Variants in PIK3CG observed in about 807,000 individuals in gnomAD.
PIK3CG encodes the protein phosphatidylinositol 4,5-bisphosphate 3-kinase catalytic subunit gamma isoform.
PIK3CG carries 55 observed loss-of-function variants against 102.3 expected under a neutral mutation model. That is an observed-to-expected ratio of 0.54 (90% confidence interval 0.43 to 0.67). The LOEUF (loss-of-function observed/expected upper bound fraction) is 0.67, where lower values mean the gene tolerates loss of function less well. PIK3CG is among the 30% of genes least tolerant of loss of function. PIK3CG has a pLI of 0.00. For synonymous variants in PIK3CG, 552 were observed against 540.0 expected, an observed-to-expected ratio of 1.02 and a Z score of -0.31; for missense variants, 1,258 against 1,391.8, an observed-to-expected ratio of 0.90 and a Z score of 1.53.
rs1319891899 is a variant in PIK3CG at position 106,903,812 on chromosome 7, G to A, written c.3031-1297G>A. On this transcript the variant is annotated intron_variant, in intron 10 of 10. Transcript: ENST00000496166. This position sits in a 1 kb window ranked among gnomAD's most constrained non-coding sequence, Gnocchi z 4.3. ...CTCACTCTGTTGCCTACTTTGGAGTGCAGTGGAGTGATCTCAGCTCACTGC... is the reference window on the plus strand; with the variant it reads ...CTCACTCTGTTGCCTACTTTGGAGTACAGTGGAGTGATCTCAGCTCACTGC... Among the ~76,000 whole-genome samples the A allele has an allele frequency of 3.3e-5, 5 of 151,754 alleles. No homozygotes were observed. Among genetic ancestry groups the A allele is most frequent in the Non-Finnish European group, 5.9e-5 (4 of 67,966 alleles).
Position 106,879,645 on chromosome 7 carries a change from C to T in PIK3CG, c.2518C>T (p.Gln840Ter), listed in dbSNP as rs2116524771. The T allele has an allele frequency of 6.2e-7, 1 of 1,612,150 alleles. No individual in the cohort carries two copies. Among genetic ancestry groups the T allele is most frequent in the African/African-American group, 1.3e-5 (1 of 74,964 alleles). Residue 840 changes from glutamine (Q) to a stop codon, truncating the protein, a stop_gained, in exon 6 of 11, where the codon CAA becomes TAA. Coordinates refer to ENST00000496166, the MANE Select transcript of PIK3CG (RefSeq NM_001282426.2). LOFTEE classifies it high-confidence loss of function. The surrounding 1 kb of genome is among the most constrained non-coding windows in gnomAD (Gnocchi z 4.9). ...CTTTAAACATGGTGATGATCTGCGCCAAGACATGCTTATTTTACAGGTATG... is the reference window on the plus strand; with the variant it reads ...CTTTAAACATGGTGATGATCTGCGCTAAGACATGCTTATTTTACAGGTATG... Reference protein sequence around the residue: ...IIFKHGDDLRQDMLILQILRI... With the variant: ...IIFKHGDDLR
Position 106,890,385 on chromosome 7 carries a change from G to A in PIK3CG, c.3030+4093G>A, listed in dbSNP as rs1189307249. On this transcript the variant is annotated intron_variant, in intron 10 of 10. Coordinates refer to ENST00000496166, the MANE Select transcript of PIK3CG (RefSeq NM_001282426.2). This position sits in a 1 kb window ranked among gnomAD's most constrained non-coding sequence, Gnocchi z 4.2. ...TTTAGTAGAGACGGGGTTTCACCGTGTTAACCAGGATGGTCTCAATCTCCT... is the reference window on the plus strand; with the variant it reads ...TTTAGTAGAGACGGGGTTTCACCGTATTAACCAGGATGGTCTCAATCTCCT... Among the ~76,000 whole-genome samples, 2 of 152,144 alleles carry A rather than the reference G, an allele frequency of 1.3e-5. No homozygotes were observed. Among genetic ancestry groups the A allele is most frequent in the Non-Finnish European group, 2.9e-5 (2 of 68,032 alleles).
chr7:106,881,624 A>G (rs1236745062), intron 6 of PIK3CG, among the ~76,000 whole-genome samples: 1 of 152,162 alleles, frequency 6.6e-6, no homozygotes, highest in Non-Finnish European at 1.5e-5. Flanking sequence ...AGGTGGGCGG[A>G]TCACTTGAGG....
rs890158721 is a variant in PIK3CG, at chr7:106,908,690, A to G, written c.*3303A>G. 4.6e-5 allele frequency among the ~76,000 whole-genome samples: 7 copies of G among 152,184 alleles called. No individual in the cohort carries two copies. Among genetic ancestry groups the G allele is most frequent in the African/African-American group, 1.7e-4 (7 of 41,436 alleles). On this transcript the variant is annotated 3_prime_UTR_variant, in exon 11 of 11. Transcript: ENST00000496166. This position sits in a 1 kb window ranked among gnomAD's most constrained non-coding sequence, Gnocchi z 4.1. The stretch of plus-strand genomic sequence containing the variant: ...GAATTATTTTTTTAAAAAAGGTTAC[A>G]TATAGGAATTCTGCAGTATAATTTG...
Position 106,868,994 on chromosome 7 carries a change from G to A in PIK3CG, c.1433G>A (p.Gly478Glu), listed in dbSNP as rs1171260961. The part of the protein sequence containing the change: ...LIDHRFLLRR[G>E]EYVLHMWQIS... The stretch of plus-strand genomic sequence containing the variant: ...GACCACCGTTTCCTCCTGCGCCGTG[G>A]AGAATACGTCCTCCACATGTGGCAG... Residue 478 changes from glycine to glutamate, a missense_variant, in exon 2 of 11, where the codon GGA becomes GAA. Physicochemically the swap from Gly to Glu is moderately conservative, Grantham distance 98. Coordinates refer to ENST00000496166, the MANE Select transcript of PIK3CG (RefSeq NM_001282426.2). The surrounding 1 kb of genome is among the most constrained non-coding windows in gnomAD (Gnocchi z 6.2). 2 of 1,614,080 alleles carry A rather than the reference G, an allele frequency of 1.2e-6. No individual in the cohort carries two copies. Among genetic ancestry groups the A allele is most frequent in the Non-Finnish European group, 1.7e-6 (2 of 1,180,052 alleles).
At chr7:106,881,902 C>A (rs1419965085) in intron 6 of PIK3CG, among the ~76,000 whole-genome samples, 1 of 151,972 alleles carries the variant, frequency 6.6e-6, no homozygotes, top group Non-Finnish European at 1.5e-5. Context: ...TCCTCTTCCC[C>A]AAGGTACATT....
chr7:106,874,506 C>T lies in PIK3CG; in HGVS notation c.2288-194C>T, dbSNP rs1790653210. On this transcript the variant is annotated intron_variant, in intron 4 of 10. Coordinates refer to ENST00000496166, the MANE Select transcript of PIK3CG (RefSeq NM_001282426.2). The surrounding 1 kb of genome is among the most constrained non-coding windows in gnomAD (Gnocchi z 4.3). ...AGTATGTGTACATGGTTATGTTGCT[C>T]ACCTTAAGCCCAATGTATCTTGCCA... 6.6e-6 allele frequency among the ~76,000 whole-genome samples: 1 copy of T among 152,148 alleles called. No homozygotes were observed. The highest frequency in any genetic ancestry group is 1.5e-5 in the Non-Finnish European group (1 of 68,032).
In PIK3CG at chr7:106,905,603, G is replaced by A. The variant is rs1352958492; in HGVS notation, c.*216G>A. On this transcript the variant is annotated 3_prime_UTR_variant, in exon 11 of 11. Transcript: ENST00000496166. This position sits in a 1 kb window ranked among gnomAD's most constrained non-coding sequence, Gnocchi z 5.6. Reference sequence around the variant, plus strand: ...CAGTGCTAGGATTATTTGCAGGTTTGGTTTTTTCTCATTTGTCTGTGGCAT... The same window carrying A: ...CAGTGCTAGGATTATTTGCAGGTTTAGTTTTTTCTCATTTGTCTGTGGCAT... The A allele has an allele frequency of 1.9e-6, 1 of 538,774 alleles. No homozygotes were observed. Among genetic ancestry groups the A allele is most frequent in the East Asian group, 3.1e-5 (1 of 32,560 alleles). 33.4% of individuals were successfully genotyped at this position (538,774 alleles called of 1,614,324 possible).
intron 2 of PIK3CG, among the ~76,000 whole-genome samples, chr7:106,870,697 C>G (rs1435340709): frequency 6.6e-6 from 1 of 152,196 alleles, no homozygotes; most frequent in Non-Finnish European, 1.5e-5. Flanking sequence ...ATTTTACACA[C>G]TAAACTATCT....
At position 106,876,518 on chromosome 7, in the gene PIK3CG, A is replaced by G. The variant is rs1473374948; in HGVS notation, c.2391+1715A>G. ...GCCATTCTCCTGCCTCAGCCTCCCAAGTAGCTGGGACTACAGGTGCCCGCC... is the reference window on the plus strand; with the variant it reads ...GCCATTCTCCTGCCTCAGCCTCCCAGGTAGCTGGGACTACAGGTGCCCGCC... On this transcript the variant is annotated intron_variant, in intron 5 of 10. Coordinates refer to ENST00000496166, the MANE Select transcript of PIK3CG (RefSeq NM_001282426.2). Among the ~76,000 whole-genome samples, 5 of 150,382 alleles carry G rather than the reference A, an allele frequency of 3.3e-5. No homozygotes were observed. In the South Asian group the frequency reaches 1.1e-3, roughly 32 times the overall value.
rs2116418239 is a variant in PIK3CG at position 106,867,652 on chromosome 7, A to T, written c.91A>T (p.Ser31Cys). The change falls in exon 2 of 11, where the codon AGC (serine) becomes TGC (cysteine). Residue 31 changes from serine (S) to cysteine (C), a missense_variant. Coordinates refer to ENST00000496166, the MANE Select transcript of PIK3CG (RefSeq NM_001282426.2). The surrounding 1 kb of genome is among the most constrained non-coding windows in gnomAD (Gnocchi z 5.1). ...RRMKPRSAAA[S>C]LSSMELIPIE... ...GATGAAGCCGCGCAGTGCTGCGGCC[A>T]GCCTGTCCTCCATGGAGCTCATCCC... The T allele has an allele frequency of 6.2e-7, 1 of 1,613,378 alleles. No homozygotes were observed. Among genetic ancestry groups the T allele is most frequent in the Non-Finnish European group, 8.5e-7 (1 of 1,180,016 alleles).
rs1293914267 is a variant in PIK3CG at position 106,899,921 on chromosome 7, AG to A, written c.3031-5186del. 6.6e-6 allele frequency among the ~76,000 whole-genome samples: 1 copy of A among 152,186 alleles called. No individual in the cohort carries two copies. Among genetic ancestry groups the A allele is most frequent in the Non-Finnish European group, 1.5e-5 (1 of 68,028 alleles). On this transcript the variant is annotated intron_variant, in intron 10 of 10. Coordinates refer to ENST00000496166, the MANE Select transcript of PIK3CG (RefSeq NM_001282426.2). The surrounding 1 kb of genome is among the most constrained non-coding windows in gnomAD (Gnocchi z 4.6). ...CTCAATTTTTTAGAATAGCTTATAT[AG>A]GAAGGGTACCAGCTCTTCTTTGTAC...
rs557657818 is a variant in PIK3CG at position 106,869,816 on chromosome 7, G to C, written c.1995+260G>C. 1.3e-5 allele frequency among the ~76,000 whole-genome samples: 2 copies of C among 152,140 alleles called. No homozygotes were observed. The highest frequency in any genetic ancestry group is 2.9e-5 in the Non-Finnish European group (2 of 68,016). On this transcript the variant is annotated intron_variant, in intron 2 of 10. Transcript: ENST00000496166. The surrounding 1 kb of genome is among the most constrained non-coding windows in gnomAD (Gnocchi z 5.3). ...AGAATTGGCCCTGTGGGAATACTTTGTTCTCATTTATTATTTTAATGATAG... is the reference window on the plus strand; with the variant it reads ...AGAATTGGCCCTGTGGGAATACTTTCTTCTCATTTATTATTTTAATGATAG...
chr7:106,908,172 T>A lies in PIK3CG; in HGVS notation c.*2785T>A, dbSNP rs1007191963. On this transcript the variant is annotated 3_prime_UTR_variant, in exon 11 of 11. Coordinates refer to ENST00000496166, the MANE Select transcript of PIK3CG (RefSeq NM_001282426.2). This position sits in a 1 kb window ranked among gnomAD's most constrained non-coding sequence, Gnocchi z 4.1. ...AGCCCAGTGAACAGTGAAAATGCAG[T>A]CCCATCATTCAAAAATTATTAAGAA... Among the ~76,000 whole-genome samples, 1 of 152,112 alleles carries A rather than the reference T, an allele frequency of 6.6e-6. No individual in the cohort carries two copies. Among genetic ancestry groups the A allele is most frequent in the South Asian group, 2.1e-4 (1 of 4,822 alleles).
At chr7:106,888,171 C>A (rs1274643057) in intron 10 of PIK3CG, among the ~76,000 whole-genome samples, 2 of 151,940 alleles carry the variant, frequency 1.3e-5, no homozygotes, top group Non-Finnish European at 2.9e-5. Context: ...TATCTCTCGA[C>A]CTTGTGATCC....
intron 5 of PIK3CG, among the ~76,000 whole-genome samples, chr7:106,878,448 T>C (rs1448497889): frequency 2.0e-5 from 3 of 152,172 alleles, no homozygotes; most frequent in Non-Finnish European, 4.4e-5. Context: ...GCCTCTTTTC[T>C]CTCCTCTCTG....
intron 7 of PIK3CG, chr7:106,882,816 A>C: frequency 2.3e-6 from 1 of 443,052 alleles, no homozygotes; most frequent in Non-Finnish European, 4.0e-6. Flanking sequence ...TCATTCTGGG[A>C]TATTGAAAAC....
Position 106,905,807 on chromosome 7 carries a change from A to T in PIK3CG, c.*420A>T. 1 of 257,384 alleles carries T rather than the reference A, an allele frequency of 3.9e-6. No homozygotes were observed. The highest frequency in any genetic ancestry group is 7.5e-6 in the Non-Finnish European group (1 of 133,870). 15.9% of individuals were successfully genotyped at this position (257,384 alleles called of 1,614,324 possible). A position where few individuals can be genotyped will look rare whatever the true frequency, so the allele number is the denominator to read the frequency against. On this transcript the variant is annotated 3_prime_UTR_variant, in exon 11 of 11. Transcript: ENST00000496166. The surrounding 1 kb of genome is among the most constrained non-coding windows in gnomAD (Gnocchi z 5.6). ...TTCCTCAAGCTCTTTAAAGAAAAAG[A>T]TGTAATCGTTGTAACCTTTGTCTCA... is the stretch of plus-strand genomic sequence containing the variant.
At position 106,884,101 on chromosome 7, in the gene PIK3CG, C is replaced by A; in HGVS notation, c.2761-54C>A. 7.7e-7 allele frequency: 1 copy of A among 1,290,702 alleles called. No individual in the cohort carries two copies. Among genetic ancestry groups the A allele is most frequent in the Non-Finnish European group, 1.1e-6 (1 of 893,460 alleles). 80.0% of individuals were successfully genotyped at this position (1,290,702 alleles called of 1,614,324 possible). A position where few individuals can be genotyped will look rare whatever the true frequency, so the allele number is the denominator to read the frequency against. On this transcript the variant is annotated intron_variant, in intron 8 of 10. Coordinates refer to ENST00000496166, the MANE Select transcript of PIK3CG (RefSeq NM_001282426.2). This position sits in a 1 kb window ranked among gnomAD's most constrained non-coding sequence, Gnocchi z 4.2. ...TCTTTTTAGAAGTCATTTGTAGATT[C>A]ATGATGCTTTTTGTAGTTAGAAGAC...
Sources: gnomAD v4.1 joint callset for allele counts (sites outside exome capture counted in the v4.1 genomes callset) on GRCh38, gnomAD v4.1.1 for gene constraint, Gnocchi (gnomAD v3.1) non-coding constraint, MANE v1.5 for transcripts, NCBI Gene and HGNC (gene_info 2026-07-23, HGNC 2026-07-21) for gene names.